Variants in ANGPTL6 observed in about 807,000 individuals in gnomAD.
The protein encoded by ANGPTL6 is angiopoietin like 6.
In ANGPTL6, 45 loss-of-function variants were observed where a neutral mutation model predicts 47.4. That is an observed-to-expected ratio of 0.95 (90% CI 0.75 to 1.22). The LOEUF (loss-of-function observed/expected upper bound fraction) is 1.22. Among genes scored for constraint, ANGPTL6 ranks in the 50% most tolerant of loss-of-function variants. ANGPTL6 has a pLI of 0.00. For missense variants in ANGPTL6, 698 were observed against 669.4 expected, an observed-to-expected ratio of 1.04 and a Z score of -0.47; for synonymous variants, 290 against 295.9, an observed-to-expected ratio of 0.98 and a Z score of 0.20.
At position 10,096,387 on chromosome 19, in the gene ANGPTL6, G is replaced by A. The variant is rs2088541226; in HGVS notation, c.177C>T (p.Ala59=). Residue 59 remains alanine, a synonymous_variant, in exon 2 of 6, where the codon GCC becomes GCT. Transcript: ENST00000253109. ...STRATPEAAN[A]SELAALRMRV... ...GCATGCGCAGCGCCGCCAGCTCGCT[G>A]GCGTTGGCGGCCTCGGGCGTCGCCC... is the stretch of plus-strand genomic sequence containing the variant. The A allele has an allele frequency of 1.5e-6, 2 of 1,302,108 alleles. No homozygotes were observed. Among genetic ancestry groups the A allele is most frequent in the Non-Finnish European group, 1.9e-6 (2 of 1,029,880 alleles). The allele number at this position is 1,302,108 out of a possible 1,614,324, so 80.7% of individuals were successfully genotyped here. A position where few individuals can be genotyped will look rare whatever the true frequency, so the allele number is the denominator to read the frequency against.
At position 10,096,395 on chromosome 19, in the gene ANGPTL6, C is replaced by G; in HGVS notation, c.169G>C (p.Ala57Pro). The change falls in exon 2 of 6, where the codon GCC becomes CCC. Residue 57 changes from alanine to proline, a missense_variant. Transcript: ENST00000253109. ...AGCGCCGCCAGCTCGCTGGCGTTGG[C>G]GGCCTCGGGCGTCGCCCGCGTGGAT... ...PASTRATPEA[A>P]NASELAALRM... 3.1e-6 allele frequency: 4 copies of G among 1,304,988 alleles called. No homozygotes were observed. The highest frequency in any genetic ancestry group is 3.9e-6 in the Non-Finnish European group (4 of 1,031,520). The allele number at this position is 1,304,988 out of a possible 1,614,324, so 80.8% of individuals were successfully genotyped here. A position where few individuals can be genotyped will look rare whatever the true frequency, so the allele number is the denominator to read the frequency against.
rs2088457814 is a variant in ANGPTL6 at position 10,093,756 on chromosome 19, C to G, written c.888G>C (p.Trp296Cys). Residue 296 changes from tryptophan to cysteine, a missense_variant, in exon 4 of 6, where the codon TGG becomes TGC. Coordinates refer to ENST00000253109, the MANE Select transcript of ANGPTL6 (RefSeq NM_031917.3). ...WCEQQLEGGG[W>C]TVIQRRQDGS... is the part of the protein sequence containing the mutation. ...CATCTTGCCTCCGCTGGATCACAGT[C>G]CAGCCTCCACCCTCCAGTTGCTGCT... 2 of 1,614,266 alleles carry G rather than the reference C, an allele frequency of 1.2e-6. No homozygotes were observed. The highest frequency in any genetic ancestry group is 1.7e-6 in the Non-Finnish European group (2 of 1,180,056).
intron 1 of ANGPTL6, among the ~76,000 whole-genome samples, chr19:10,097,128 T>G (rs181850309): frequency 6.7e-6 from 1 of 149,088 alleles, no homozygotes; most frequent in Non-Finnish European, 1.5e-5. Flanking sequence ...AAAACAAGGC[T>G]TATGGGGCCG....
intron 1 of ANGPTL6, among the ~76,000 whole-genome samples, chr19:10,097,118 A>G (rs976422256): frequency 2.6e-5 from 4 of 151,728 alleles, no homozygotes; most frequent in African/African-American, 4.8e-5. Flanking sequence ...TAAATAAATA[A>G]AAACAAGGCT....
intron 1 of ANGPTL6, among the ~76,000 whole-genome samples, chr19:10,100,522 A>G (rs996225242): frequency 4.6e-5 from 7 of 152,178 alleles, no homozygotes; most frequent in African/African-American, 1.2e-4. Context: ...AGATGTGAGC[A>G]ACCACACTGG....
At chr19:10,103,872 A>C (rs1421314008), upstream of ANGPTL6, among the ~76,000 whole-genome samples, 1 of 147,932 alleles carries the variant, frequency 6.8e-6, no homozygotes, top group Non-Finnish European at 1.5e-5. Flanking sequence ...AGGTGGGCAG[A>C]TCACGAGGTC....
At chr19:10,094,007 A>G (rs1404022102) in intron 3 of ANGPTL6, 127 bp from the exon 4 acceptor site, 1 of 985,438 alleles carries the variant, frequency 1.0e-6, no homozygotes, top group African/African-American at 1.6e-5. Flanking sequence ...TTTCTACCAA[A>G]GAGTCCTGCC....
upstream of ANGPTL6, among the ~76,000 whole-genome samples, chr19:10,103,534 A>G (rs141706113): frequency 0.016 from 2,434 of 151,138 alleles, 55 homozygotes; most frequent in African/African-American, 0.036. Flanking sequence ...AGGTTGCAGT[A>G]AGCCGAGATC....
chr19:10,100,407 C>T (rs1205494418), intron 1 of ANGPTL6, among the ~76,000 whole-genome samples: 1 of 152,104 alleles, frequency 6.6e-6, no homozygotes, highest in African/African-American at 2.4e-5. Flanking sequence ...CCATGCCCAG[C>T]TACTTTTTTG....
At position 10,095,978 on chromosome 19, in the gene ANGPTL6, T is replaced by A. The variant is rs749300311; in HGVS notation, c.582+4A>T. 1 of 1,319,104 alleles carries A rather than the reference T, an allele frequency of 7.6e-7. No individual in the cohort carries two copies. Among genetic ancestry groups the A allele is most frequent in the South Asian group, 2.3e-5 (1 of 43,302 alleles). The allele number at this position is 1,319,104 out of a possible 1,614,324, so 81.7% of individuals were successfully genotyped here. A position where few individuals can be genotyped will look rare whatever the true frequency, so the allele number is the denominator to read the frequency against. ...GCTGCTCTCCGGGGAGGCTGCGAGG[T>A]TACCTGCTGCTGCCCGCCCGCGCCT... On this transcript the variant is annotated splice_donor_region_variant and intron_variant, in intron 2 of 5. Coordinates refer to ENST00000253109, the MANE Select transcript of ANGPTL6 (RefSeq NM_031917.3).
upstream of ANGPTL6, among the ~76,000 whole-genome samples, chr19:10,103,385 T>C (rs796961475): frequency 1.3e-5 from 2 of 150,814 alleles, no homozygotes; most frequent in East Asian, 3.9e-4. Context: ...AGGTCAGGAG[T>C]TCGAAACCAT....
Position 10,096,250 on chromosome 19 carries a change from G to A in ANGPTL6, c.314C>T (p.Ala105Val). The A allele has an allele frequency of 8.5e-7, 1 of 1,182,214 alleles. No individual in the cohort carries two copies. The highest frequency in any genetic ancestry group is 1.0e-6 in the Non-Finnish European group (1 of 957,176). The allele number at this position is 1,182,214 out of a possible 1,614,324, so 73.2% of individuals were successfully genotyped here. A position where few individuals can be genotyped will look rare whatever the true frequency, so the allele number is the denominator to read the frequency against. ...ALRKESRGLS[A>V]RLGQLRAQLQ... ...CTGCGCGCGCAACTGGCCCAGGCGC[G>A]CGCTCAGGCCGCGGCTCTCCTTGCG... Residue 105 changes from alanine (A) to valine (V), a missense_variant, in exon 2 of 6, where the codon GCG becomes GTG. By Grantham distance (64) the Ala-to-Val change is moderately conservative. Transcript: ENST00000253109.
At chr19:10,103,465 C>T (rs1192936030), upstream of ANGPTL6, among the ~76,000 whole-genome samples, 1 of 151,492 alleles carries the variant, frequency 6.6e-6, no homozygotes, top group African/African-American at 2.4e-5. Flanking sequence ...TGGCATGCGC[C>T]AGTAATCCCA....
chr19:10,101,973 G>A (rs889301790), intron 1 of ANGPTL6, among the ~76,000 whole-genome samples: 6 of 149,630 alleles, frequency 4.0e-5, no homozygotes, highest in African/African-American at 7.3e-5. Context: ...AAAATTAGCC[G>A]GGCATGGTGG....
intron 1 of ANGPTL6, among the ~76,000 whole-genome samples, chr19:10,099,390 C>T (rs2088623235): frequency 6.6e-6 from 1 of 152,020 alleles, no homozygotes; most frequent in Non-Finnish European, 1.5e-5. Flanking sequence ...TCCTGGCTAA[C>T]ACAGTGAAAC....
intron 1 of ANGPTL6, among the ~76,000 whole-genome samples, chr19:10,099,841 CTCTT>C (rs1466180933): frequency 2.2e-5 from 2 of 91,942 alleles, no homozygotes. Context: ...CTCTCTCTCT[CTCTT>C]TCTCTCTTTC....
At chr19:10,097,649 C>G (rs962417620) in intron 1 of ANGPTL6, among the ~76,000 whole-genome samples, 8 of 151,928 alleles carry the variant, frequency 5.3e-5, no homozygotes, top group African/African-American at 1.2e-4. Flanking sequence ...GTCAAGAGAT[C>G]GAGACCATCC....
At chr19:10,102,483 G>T (rs1409424086) in intron 1 of ANGPTL6, 85 bp downstream of exon 1, 8 of 856,174 alleles carry the variant, frequency 9.3e-6, no homozygotes, top group Non-Finnish European at 1.1e-5. Flanking sequence ...GGGTGGCGGG[G>T]TGGCCTGGGG....
Position 10,092,381 on chromosome 19 carries a change from A to T in ANGPTL6, c.*208T>A. 1 of 1,530,900 alleles carries T rather than the reference A, an allele frequency of 6.5e-7. No homozygotes were observed. The highest frequency in any genetic ancestry group is 8.7e-7 in the Non-Finnish European group (1 of 1,142,934). 94.8% of individuals were successfully genotyped at this position (1,530,900 alleles called of 1,614,324 possible). A position where few individuals can be genotyped will look rare whatever the true frequency, so the allele number is the denominator to read the frequency against. ...TTATAAGATATGAGCTCAAACCGAG[A>T]TATGAATGACCTTGGGGAGCCATCT... On this transcript the variant is annotated 3_prime_UTR_variant, in exon 6 of 6. Coordinates refer to ENST00000253109, the MANE Select transcript of ANGPTL6 (RefSeq NM_031917.3).
Sources: allele counts gnomAD v4.1 joint callset (sites outside exome capture counted in the v4.1 genomes callset), GRCh38; gene constraint gnomAD v4.1.1; transcripts MANE v1.5; gene names NCBI Gene and HGNC (gene_info 2026-07-23, HGNC 2026-07-21).